The following TRIO variants were observed in gnomAD, a reference collection of about 807,000 sequenced individuals.
TRIO encodes the protein trio Rho guanine nucleotide exchange factor, also known as triple functional domain protein.
Under a neutral mutation model 351.9 loss-of-function variants are expected in TRIO, and 58 were observed. That is an observed-to-expected ratio of 0.16 (90% CI 0.13 to 0.21). The LOEUF (loss-of-function observed/expected upper bound fraction) is 0.21, where lower values mean the gene tolerates loss of function less well. TRIO is among the 10% of genes least tolerant of loss of function. TRIO has a pLI of 1.00. For missense variants in TRIO, 3,201 were observed against 4,027.8 expected (o/e 0.79, Z 5.56); for synonymous variants, 1,758 against 1,595.7 (o/e 1.10, Z -2.42).
intron 8 of TRIO, among the ~76,000 whole-genome samples, chr5:14,310,595 C>T (rs1738828540): frequency 6.6e-6 from 1 of 152,208 alleles, no homozygotes; most frequent in Non-Finnish European, 1.5e-5. Flanking sequence ...TGAAAACACA[C>T]AGCAAAATGA....
Position 14,159,411 on chromosome 5 carries a change from G to A in TRIO, c.157+15529G>A, listed in dbSNP as rs529617340. On this transcript the variant is annotated intron_variant, in intron 1 of 56. Transcript: ENST00000344204. ...TTTTGAGATAGTGAAGAGCATAGCTGAAAAAGTGGAAACTGATGATGCTTT... is the reference window on the plus strand; with the variant it reads ...TTTTGAGATAGTGAAGAGCATAGCTAAAAAAGTGGAAACTGATGATGCTTT... Among the ~76,000 whole-genome samples, 491 of 151,912 alleles carry A rather than the reference G, an allele frequency of 3.2e-3. 3 individuals are homozygous for A. The highest frequency in any genetic ancestry group is 4.8e-3 in the Admixed American group (74 of 15,264).
chr5:14,179,041 C>A (rs1048865361), intron 1 of TRIO, among the ~76,000 whole-genome samples: 1 of 152,206 alleles, frequency 6.6e-6, no homozygotes, highest in South Asian at 2.1e-4. Flanking sequence ...CTCCCCCCAC[C>A]CCCGCAGAAG....
At chr5:14,279,076 A>G (rs1010161069) in intron 2 of TRIO, among the ~76,000 whole-genome samples, 12 of 152,206 alleles carry the variant, frequency 7.9e-5, no homozygotes, top group African/African-American at 2.4e-4. Flanking sequence ...AGAGCACGTG[A>G]TACCCTACCT....
chr5:14,190,153 G>C (rs73057508), intron 1 of TRIO, among the ~76,000 whole-genome samples: 6,190 of 152,208 alleles, frequency 0.041, 435 homozygotes, highest in African/African-American at 0.14. Flanking sequence ...GAGGCTACTA[G>C]TTTTTGAATA....
chr5:14,413,843 A>AACAT, intron 33 of TRIO, among the ~76,000 whole-genome samples: 1 of 152,214 alleles, frequency 6.6e-6, no homozygotes, highest in Non-Finnish European at 1.5e-5. Context: ...TTACAGTTGG[A>AACAT]GATGGTGATA....
chr5:14,403,534 GGTGAGGGTGCAGGTT>G (rs1339158305), intron 31 of TRIO, among the ~76,000 whole-genome samples: 4 of 113,698 alleles, frequency 3.5e-5, no homozygotes, highest in Non-Finnish European at 5.5e-5. Flanking sequence ...TGCAGGTTGT[GGTGAGGGTGCAGGTT>G]GTGAGGGTGC....
chr5:14,486,925 A>G lies in TRIO; in HGVS notation c.6836-539A>G, dbSNP rs143759750. 6.4e-4 allele frequency among the ~76,000 whole-genome samples: 97 copies of G among 152,184 alleles called. 1 individual carries two copies. In the East Asian group the frequency reaches 0.016, roughly 25 times the overall value. On this transcript the variant is annotated intron_variant, in intron 47 of 56. Coordinates refer to ENST00000344204, the MANE Select transcript of TRIO (RefSeq NM_007118.4). ...ACTTCAAGAGTTTGTGCATGTTTCC[A>G]TACATGTTATTTTGGCCTGATTTCT...
chr5:14,369,626 T>C, intron 18 of TRIO, 103 bp downstream of exon 18: 3 of 1,393,180 alleles, frequency 2.2e-6, no homozygotes, highest in Middle Eastern at 2.4e-4. Context: ...CCCACACCTC[T>C]TGCCTGCTGT....
chr5:14,355,611 G>A (rs1743550430), intron 11 of TRIO, among the ~76,000 whole-genome samples: 1 of 152,186 alleles, frequency 6.6e-6, no homozygotes, highest in African/African-American at 2.4e-5. Context: ...ATGTGACTTG[G>A]CAACTTGGAA....
chr5:14,319,284 T>C (rs1255057655), intron 9 of TRIO, among the ~76,000 whole-genome samples: 1 of 152,196 alleles, frequency 6.6e-6, no homozygotes, highest in Non-Finnish European at 1.5e-5. Context: ...TCTGGAATGG[T>C]CTGGACTTGT....
chr5:14,389,873 G>A (rs148049588), intron 25 of TRIO, among the ~76,000 whole-genome samples: 1 of 152,172 alleles, frequency 6.6e-6, no homozygotes, highest in Admixed American at 6.5e-5. Context: ...TAAAGCAGCG[G>A]CAGCAGAAGC....
chr5:14,432,867 A>G (rs947455085), intron 34 of TRIO, among the ~76,000 whole-genome samples: 11 of 152,306 alleles, frequency 7.2e-5, no homozygotes, highest in East Asian at 3.9e-4. Flanking sequence ...GAAGAATTCA[A>G]CTTCCTGTCA....
chr5:14,150,100 C>T (rs145504225), intron 1 of TRIO, among the ~76,000 whole-genome samples: 7 of 152,326 alleles, frequency 4.6e-5, no homozygotes, highest in African/African-American at 1.7e-4. Context: ...GGCCAAGGGG[C>T]CCCTTGCTGT....
intron 1 of TRIO, among the ~76,000 whole-genome samples, chr5:14,206,669 G>C (rs936006404): frequency 2.0e-5 from 3 of 152,178 alleles, no homozygotes; most frequent in South Asian, 2.1e-4. Flanking sequence ...TGTGTTACCT[G>C]TGTATGACTG....
At chr5:14,468,668 C>G (rs1011777155) in intron 37 of TRIO, among the ~76,000 whole-genome samples, 1 of 152,230 alleles carries the variant, frequency 6.6e-6, no homozygotes, top group Non-Finnish European at 1.5e-5. Flanking sequence ...TATACTGACT[C>G]TGCAGTAGAT....
At chr5:14,475,709 T>C (rs1755025468) in intron 40 of TRIO, among the ~76,000 whole-genome samples, 1 of 152,354 alleles carries the variant, frequency 6.6e-6, no homozygotes, top group Admixed American at 6.5e-5. Context: ...AAGGGATATT[T>C]TGTATTATGA....
intron 31 of TRIO, among the ~76,000 whole-genome samples, chr5:14,404,799 A>C (rs1748560313): frequency 6.6e-6 from 1 of 152,198 alleles, no homozygotes; most frequent in African/African-American, 2.4e-5. Flanking sequence ...TGTTAAAGAC[A>C]GGTCCTCTGG....
chr5:14,263,327 T>C (rs1269494574), intron 1 of TRIO, among the ~76,000 whole-genome samples: 1 of 152,088 alleles, frequency 6.6e-6, no homozygotes, highest in Admixed American at 6.5e-5. Flanking sequence ...TTTATATCAC[T>C]TCTCTGTGGT....
chr5:14,508,569 T>A lies in TRIO; in HGVS notation c.*147T>A. The A allele has an allele frequency of 1.9e-6, 2 of 1,055,002 alleles. No homozygotes were observed. The highest frequency in any genetic ancestry group is 2.7e-6 in the Non-Finnish European group (2 of 740,488). The allele number at this position is 1,055,002 out of a possible 1,614,324, so 65.4% of individuals were successfully genotyped here. ...ATTCCAAGTGAGCTGTGCTCAGCAG[T>A]GCTTGGACACAGAGCTGCAAGCTGC... On this transcript the variant is annotated 3_prime_UTR_variant, in exon 57 of 57. Coordinates refer to ENST00000344204, the MANE Select transcript of TRIO (RefSeq NM_007118.4).
Sources: allele counts gnomAD v4.1 joint callset (sites outside exome capture counted in the v4.1 genomes callset), GRCh38; gene constraint gnomAD v4.1.1; transcripts MANE v1.5; gene names NCBI Gene and HGNC (gene_info 2026-07-23, HGNC 2026-07-21).